The following ATP8A2 variants were observed in gnomAD, a reference collection of about 807,000 sequenced individuals.
ATP8A2 encodes the protein phospholipid-transporting ATPase IB.
In ATP8A2, 100 loss-of-function variants were observed where a neutral mutation model predicts 165.6. That is an observed-to-expected ratio of 0.60 (90% CI 0.51 to 0.71). The LOEUF is 0.71. ATP8A2 is among the 30% of genes least tolerant of loss of function. ATP8A2 has a pLI of 0.00. For missense variants in ATP8A2, 1,227 were observed against 1,479.5 expected (o/e 0.83, Z 2.80); for synonymous variants, 543 against 548.8 (o/e 0.99, Z 0.15).
intron 18 of ATP8A2, 163 bp downstream of exon 18, chr13:25,571,855 GT>G: frequency 1.4e-6 from 1 of 722,044 alleles, no homozygotes; most frequent in Non-Finnish European, 2.5e-6. Flanking sequence ...GCTTGTTCGA[GT>G]TGTTTTGCAT....
intron 33 of ATP8A2, among the ~76,000 whole-genome samples, chr13:25,929,305 G>A (rs372058378): frequency 5.9e-5 from 9 of 152,084 alleles, no homozygotes; most frequent in African/African-American, 9.7e-5. Context: ...TGGGATGCCC[G>A]TTGCCATAGT....
intron 25 of ATP8A2, among the ~76,000 whole-genome samples, chr13:25,716,012 T>A (rs2043247790): frequency 6.6e-6 from 1 of 152,226 alleles, no homozygotes; most frequent in African/African-American, 2.4e-5. Context: ...GTCATAGCCA[T>A]CCTAGTGGGT....
At chr13:25,776,880 A>G (rs2044754987) in intron 27 of ATP8A2, among the ~76,000 whole-genome samples, 3 of 152,090 alleles carry the variant, frequency 2.0e-5, no homozygotes, top group Admixed American at 6.5e-5. Flanking sequence ...ACTTCTTATC[A>G]AGACATTCTG....
At chr13:25,552,220 C>T (rs1354382772) in intron 11 of ATP8A2, among the ~76,000 whole-genome samples, 1 of 152,162 alleles carries the variant, frequency 6.6e-6, no homozygotes, top group Non-Finnish European at 1.5e-5. Context: ...CTCCTGACCT[C>T]AGGCAATCTA....
intron 24 of ATP8A2, among the ~76,000 whole-genome samples, chr13:25,657,397 G>A (rs1188167528): frequency 6.6e-6 from 1 of 152,130 alleles, no homozygotes; most frequent in African/African-American, 2.4e-5. Flanking sequence ...GGAGTTACAC[G>A]CTCAGATGCC....
intron 24 of ATP8A2, among the ~76,000 whole-genome samples, chr13:25,652,514 T>A (rs2041836842): frequency 6.6e-6 from 1 of 152,232 alleles, no homozygotes; most frequent in Non-Finnish European, 1.5e-5. Context: ...ACGTATCTCA[T>A]CTTTCTCCTC....
At chr13:25,572,792 G>A (rs2039505419) in intron 18 of ATP8A2, among the ~76,000 whole-genome samples, 1 of 152,156 alleles carries the variant, frequency 6.6e-6, no homozygotes, top group African/African-American at 2.4e-5. Context: ...CTTTATGGAT[G>A]CATCCTTAAA....
intron 1 of ATP8A2, among the ~76,000 whole-genome samples, chr13:25,403,284 A>G (rs2138027510): frequency 6.6e-6 from 1 of 152,184 alleles, no homozygotes; most frequent in East Asian, 1.9e-4. Flanking sequence ...TGCCTCCATT[A>G]CTGTGAGACC....
At chr13:25,968,464 C>G (rs1048853805) in intron 34 of ATP8A2, 111 bp from the exon 35 acceptor site, 3 of 877,808 alleles carry the variant, frequency 3.4e-6, no homozygotes, top group Non-Finnish European at 5.4e-6. Flanking sequence ...TCCCGAGCCT[C>G]GGCCTCCACC....
intron 25 of ATP8A2, among the ~76,000 whole-genome samples, chr13:25,736,101 G>A (rs2043763191): frequency 6.6e-6 from 1 of 152,194 alleles, no homozygotes; most frequent in African/African-American, 2.4e-5. Flanking sequence ...CACATTTGTA[G>A]CCTAGGAGCA....
At chr13:25,757,525 G>GTGTGCA (rs55718496) in intron 25 of ATP8A2, among the ~76,000 whole-genome samples, 1 of 151,364 alleles carries the variant, frequency 6.6e-6, no homozygotes, top group Non-Finnish European at 1.5e-5. Context: ...GTGTGTGTGT[G>GTGTGCA]CACACGCACT....
At chr13:25,809,513 G>A (rs1179200438) in intron 27 of ATP8A2, among the ~76,000 whole-genome samples, 1 of 151,976 alleles carries the variant, frequency 6.6e-6, no homozygotes, top group Non-Finnish European at 1.5e-5. Context: ...CCCCTGCTGA[G>A]CTTCCCACCT....
At chr13:25,426,390 CAGCACCA>C (rs1419265295) in intron 1 of ATP8A2, among the ~76,000 whole-genome samples, 1 of 152,174 alleles carries the variant, frequency 6.6e-6, no homozygotes, top group Non-Finnish European at 1.5e-5. Context: ...AGCATGAGGG[CAGCACCA>C]AGCTTTGAGG....
intron 1 of ATP8A2, among the ~76,000 whole-genome samples, chr13:25,399,661 CA>C (rs1384346330): frequency 4.0e-5 from 6 of 150,574 alleles, no homozygotes; most frequent in Non-Finnish European, 7.4e-5. Context: ...CTCGGCCTCC[CA>C]AAGTGCTGGG....
chr13:25,842,968 C>T (rs1184504403), intron 30 of ATP8A2, among the ~76,000 whole-genome samples: 3 of 152,158 alleles, frequency 2.0e-5, no homozygotes, highest in Non-Finnish European at 4.4e-5. Flanking sequence ...GAGGGTTAAA[C>T]CCAGGAATGG....
At chr13:25,501,779 C>T (rs2036859446) in intron 2 of ATP8A2, among the ~76,000 whole-genome samples, 1 of 152,160 alleles carries the variant, frequency 6.6e-6, no homozygotes. Flanking sequence ...TTTTCCCAGA[C>T]TTCAGGGAAG....
intron 24 of ATP8A2, among the ~76,000 whole-genome samples, chr13:25,664,920 G>A (rs1406018217): frequency 7.9e-6 from 1 of 127,292 alleles, no homozygotes; most frequent in Non-Finnish European, 1.7e-5. Context: ...ATGAAATATT[G>A]CAAATAGTCA....
chr13:25,439,437 T>A (rs1450446376), intron 1 of ATP8A2, among the ~76,000 whole-genome samples: 1 of 152,230 alleles, frequency 6.6e-6, no homozygotes, highest in Non-Finnish European at 1.5e-5. Context: ...AAAAAAAGTC[T>A]GTTATATTGC....
intron 25 of ATP8A2, among the ~76,000 whole-genome samples, chr13:25,720,851 A>G (rs539304784): frequency 1.3e-5 from 2 of 152,320 alleles, no homozygotes; most frequent in South Asian, 4.1e-4. Context: ...TTATAGCCTC[A>G]TAAAAACCCT....
Sources: allele counts gnomAD v4.1 joint callset (sites outside exome capture counted in the v4.1 genomes callset), GRCh38; gene constraint gnomAD v4.1.1; transcripts MANE v1.5; gene names NCBI Gene and HGNC (gene_info 2026-07-23, HGNC 2026-07-21).